Variants in GFRA1 observed in about 807,000 individuals in gnomAD.
The protein encoded by GFRA1 is GDNF family receptor alpha 1.
GFRA1 carries 16 observed loss-of-function variants against 51.6 expected under a neutral mutation model. The observed-to-expected ratio is 0.31, with a 90% confidence interval of 0.21 to 0.47. The LOEUF (loss-of-function observed/expected upper bound fraction) is 0.47. Among genes scored for constraint, GFRA1 ranks in the 20% least tolerant of loss-of-function variants. The probability of loss-of-function intolerance (pLI) is 1.00; values close to 1 mark genes in which losing one functional copy is unlikely to be tolerated. For synonymous variants in GFRA1, 270 were observed against 241.3 expected, an observed-to-expected ratio of 1.12 and a Z score of -1.10; for missense variants, 530 against 594.3, an observed-to-expected ratio of 0.89 and a Z score of 1.13.
At chr10:116,096,856 T>TA (rs1956606993) in intron 6 of GFRA1, 92 bp from the exon 7 acceptor site, 2 of 721,846 alleles carry the variant, frequency 2.8e-6, no homozygotes, top group Non-Finnish European at 4.9e-6. Context: ...CCTTTGTTGA[T>TA]ATGCCTTTTT....
chr10:116,216,109 G>C (rs1453741573), intron 4 of GFRA1, among the ~76,000 whole-genome samples: 2 of 152,124 alleles, frequency 1.3e-5, no homozygotes, highest in East Asian at 3.9e-4. Flanking sequence ...TTAATGCACT[G>C]AGTCCTCCAG....
intron 6 of GFRA1, among the ~76,000 whole-genome samples, chr10:116,104,096 T>C (rs1956918583): frequency 6.6e-6 from 1 of 152,172 alleles, no homozygotes; most frequent in Non-Finnish European, 1.5e-5. Context: ...GCTCTGTGCA[T>C]CTTGCATTCA....
chr10:116,068,521 T>G (rs889085648), intron 9 of GFRA1, among the ~76,000 whole-genome samples: 1 of 152,188 alleles, frequency 6.6e-6, no homozygotes, highest in Non-Finnish European at 1.5e-5. Context: ...CCTCTCACAG[T>G]GGGCATGCTG....
chr10:116,206,171 C>T (rs560142439), intron 5 of GFRA1, among the ~76,000 whole-genome samples: 1 of 152,204 alleles, frequency 6.6e-6, no homozygotes, highest in Admixed American at 6.5e-5. Context: ...CACATAACAA[C>T]TTGGAATGTT....
chr10:116,272,556 G>A lies in GFRA1; in HGVS notation c.-246-281C>T, dbSNP rs1316900916. On this transcript the variant is annotated intron_variant, in intron 1 of 10. Coordinates refer to ENST00000355422, the MANE Select transcript of GFRA1 (RefSeq NM_005264.8). The surrounding 1 kb of genome is among the most constrained non-coding windows in gnomAD (Gnocchi z 4.4). ...AACGCAAGCAAATAAATAAATAAAC[G>A]GTACTTTCCGAGCGTCGCGAGCGGA... 1 of 153,226 alleles carries A rather than the reference G, an allele frequency of 6.5e-6. No homozygotes were observed. The highest frequency in any genetic ancestry group is 2.4e-5 in the African/African-American group (1 of 41,470). 9.5% of individuals were successfully genotyped at this position (153,226 alleles called of 1,614,324 possible). A position where few individuals can be genotyped will look rare whatever the true frequency, so the allele number is the denominator to read the frequency against.
At chr10:116,136,872 G>A (rs989545643) in intron 5 of GFRA1, among the ~76,000 whole-genome samples, 1 of 152,160 alleles carries the variant, frequency 6.6e-6, no homozygotes, top group Admixed American at 6.5e-5. Flanking sequence ...GTTGGACAAT[G>A]CTCAGGAGTA....
At chr10:116,077,460 T>C (rs930237034) in intron 9 of GFRA1, among the ~76,000 whole-genome samples, 2 of 152,192 alleles carry the variant, frequency 1.3e-5, no homozygotes, top group African/African-American at 4.8e-5. Context: ...CTTTACACTC[T>C]CCTTCATTTG....
At chr10:116,183,727 C>T (rs1229720726) in intron 5 of GFRA1, among the ~76,000 whole-genome samples, 1 of 152,180 alleles carries the variant, frequency 6.6e-6, no homozygotes, top group Non-Finnish European at 1.5e-5. Context: ...GCTCACTCAC[C>T]TACTCTTAAC....
intron 4 of GFRA1, among the ~76,000 whole-genome samples, chr10:116,251,035 A>G (rs550622011): frequency 6.6e-6 from 1 of 152,320 alleles, no homozygotes; most frequent in East Asian, 1.9e-4. Context: ...TCAGAGAGGC[A>G]CATTCTGATT....
chr10:116,197,782 G>A (rs1565644946), intron 5 of GFRA1, among the ~76,000 whole-genome samples: 1 of 152,190 alleles, frequency 6.6e-6, no homozygotes, highest in East Asian at 1.9e-4. Context: ...AGCCATGATG[G>A]CTACAGCAAG....
intron 4 of GFRA1, among the ~76,000 whole-genome samples, chr10:116,251,989 T>G: frequency 7.7e-6 from 1 of 129,970 alleles, no homozygotes; most frequent in Non-Finnish European, 1.6e-5. Context: ...TTTTTTTTTT[T>G]TACAATTACC....
chr10:116,216,007 C>A (rs1965536821), intron 4 of GFRA1, among the ~76,000 whole-genome samples: 2 of 152,152 alleles, frequency 1.3e-5, no homozygotes, highest in Non-Finnish European at 2.9e-5. Flanking sequence ...CCTTTCTTAG[C>A]CCTGCTGTCC....
In GFRA1 at chr10:116,057,905, A is replaced by T. The variant is rs1482148895; in HGVS notation, c.*6493T>A. On this transcript the variant is annotated 3_prime_UTR_variant, in exon 11 of 11. Coordinates refer to ENST00000355422, the MANE Select transcript of GFRA1 (RefSeq NM_005264.8). Reference sequence around the variant, plus strand: ...AGAAATGCCTTCAGCTACAGCTAAAAAATAATAATAATAAAAAAAAATTCC... The same window carrying T: ...AGAAATGCCTTCAGCTACAGCTAAATAATAATAATAATAAAAAAAAATTCC... 6.6e-6 allele frequency: 1 copy of T among 151,986 alleles called. No homozygotes were observed. Among genetic ancestry groups the T allele is most frequent in the Non-Finnish European group, 1.5e-5 (1 of 68,026 alleles). 9.4% of individuals were successfully genotyped at this position (151,986 alleles called of 1,614,324 possible). A position where few individuals can be genotyped will look rare whatever the true frequency, so the allele number is the denominator to read the frequency against.
intron 5 of GFRA1, among the ~76,000 whole-genome samples, chr10:116,159,747 C>A (rs1471541531): frequency 6.6e-6 from 1 of 152,146 alleles, no homozygotes; most frequent in East Asian, 1.9e-4. Context: ...GTCAGAAGCC[C>A]TGTGGCGTGT....
At chr10:116,124,580 T>A (rs1313482519) in intron 6 of GFRA1, among the ~76,000 whole-genome samples, 2 of 152,186 alleles carry the variant, frequency 1.3e-5, no homozygotes. Context: ...CTCCTTCAGA[T>A]ATCAAAGTAA....
intron 6 of GFRA1, among the ~76,000 whole-genome samples, chr10:116,112,181 C>T (rs1191545692): frequency 6.6e-6 from 1 of 152,134 alleles, no homozygotes. Flanking sequence ...TCGATTTTGC[C>T]TTATTTCCAC....
intron 6 of GFRA1, among the ~76,000 whole-genome samples, chr10:116,123,502 G>C (rs1019808013): frequency 6.6e-6 from 1 of 152,214 alleles, no homozygotes; most frequent in African/African-American, 2.4e-5. Flanking sequence ...CATTATTACA[G>C]CTGGTTTAAG....
At chr10:116,102,901 G>A (rs574574040) in intron 6 of GFRA1, among the ~76,000 whole-genome samples, 3 of 152,284 alleles carry the variant, frequency 2.0e-5, no homozygotes, top group African/African-American at 4.8e-5. Context: ...TGTATAAGTC[G>A]CTGGAGTGTT....
intron 4 of GFRA1, among the ~76,000 whole-genome samples, chr10:116,245,745 T>G (rs1171500477): frequency 6.6e-6 from 1 of 152,188 alleles, no homozygotes; most frequent in Non-Finnish European, 1.5e-5. Flanking sequence ...TGGAACACAA[T>G]TATTCAGCAG....
Sources: gnomAD v4.1 joint callset for allele counts (sites outside exome capture counted in the v4.1 genomes callset) on GRCh38, gnomAD v4.1.1 for gene constraint, Gnocchi (gnomAD v3.1) non-coding constraint, MANE v1.5 for transcripts, NCBI Gene and HGNC (gene_info 2026-07-23, HGNC 2026-07-21) for gene names.